Variants in USP25 observed in about 807,000 individuals in gnomAD.
The protein encoded by USP25 is ubiquitin carboxyl-terminal hydrolase 25.
Under a neutral mutation model 158.5 loss-of-function variants are expected in USP25, and 85 were observed. The ratio of observed to expected loss-of-function variants is 0.54; its 90% CI spans 0.45 to 0.64. USP25 has a LOEUF of 0.64. Among genes scored for constraint, USP25 ranks in the 30% least tolerant of loss-of-function variants. USP25 has a pLI of 0.00. For synonymous variants in USP25, 464 were observed against 460.4 expected, an observed-to-expected ratio of 1.01 and a Z score of -0.10; for missense variants, 1,242 against 1,327.3, an observed-to-expected ratio of 0.94 and a Z score of 1.00.
chr21:15,798,934 G>T (rs1000937850), intron 5 of USP25, among the ~76,000 whole-genome samples: 3 of 151,058 alleles, frequency 2.0e-5, no homozygotes, highest in Non-Finnish European at 3.0e-5. Context: ...ATCACTTCCT[G>T]TATAGTAATT....
At chr21:15,740,214 T>G (rs1202277552) in intron 1 of USP25, among the ~76,000 whole-genome samples, 1 of 152,256 alleles carries the variant, frequency 6.6e-6, no homozygotes, top group Non-Finnish European at 1.5e-5. Context: ...TAAAGCCTGC[T>G]TAATAAGAAT....
intron 4 of USP25, among the ~76,000 whole-genome samples, chr21:15,779,182 T>C (rs2034821677): frequency 6.6e-6 from 1 of 152,076 alleles, no homozygotes; most frequent in Admixed American, 6.5e-5. Flanking sequence ...TTGTGGCTAA[T>C]ATTTATTGCC....
chr21:15,815,885 G>T (rs118032446), intron 9 of USP25, among the ~76,000 whole-genome samples: 1 of 152,154 alleles, frequency 6.6e-6, no homozygotes, highest in Admixed American at 6.5e-5. Flanking sequence ...AGGCGGAAGG[G>T]ACTTAACCTT....
At chr21:15,822,192 A>G (rs1305402511) in intron 10 of USP25, among the ~76,000 whole-genome samples, 4 of 151,998 alleles carry the variant, frequency 2.6e-5, no homozygotes, top group East Asian at 1.9e-4. Context: ...ATGTACTGCT[A>G]TACTACAATC....
chr21:15,730,840 T>G (rs540933025), intron 1 of USP25, among the ~76,000 whole-genome samples: 18 of 152,268 alleles, frequency 1.2e-4, no homozygotes, highest in Non-Finnish European at 2.5e-4. Flanking sequence ...AGGCCTGCTA[T>G]TTTGCAAAAC....
intron 4 of USP25, among the ~76,000 whole-genome samples, chr21:15,784,886 G>C (rs2035185779): frequency 6.6e-6 from 1 of 151,714 alleles, no homozygotes; most frequent in Non-Finnish European, 1.5e-5. Context: ...AAACTAGCAT[G>C]AGTAAATTAT....
intron 9 of USP25, among the ~76,000 whole-genome samples, chr21:15,811,441 T>C (rs1422306727): frequency 6.6e-6 from 1 of 150,504 alleles, no homozygotes; most frequent in Non-Finnish European, 1.5e-5. Flanking sequence ...TTTATCCTCA[T>C]GTTTTTTCCA....
intron 1 of USP25, among the ~76,000 whole-genome samples, chr21:15,756,878 G>GA (rs566876962): frequency 2.6e-4 from 40 of 151,904 alleles, no homozygotes; most frequent in African/African-American, 9.4e-4. Context: ...CTTAACTAGA[G>GA]AAAAAAAATC....
chr21:15,830,437 T>A, intron 14 of USP25, 94 bp from the exon 15 acceptor site: 1 of 1,049,458 alleles, frequency 9.5e-7, no homozygotes, highest in South Asian at 1.8e-5. Context: ...ATTTTCCTAT[T>A]CCTCTAACAT....
chr21:15,861,831 GA>G, intron 20 of USP25, among the ~76,000 whole-genome samples: 1 of 152,112 alleles, frequency 6.6e-6, no homozygotes, highest in Middle Eastern at 3.4e-3. Context: ...TTGTGTGATT[GA>G]AAAACAGCTC....
chr21:15,837,809 T>C (rs2038128973), intron 17 of USP25, among the ~76,000 whole-genome samples: 1 of 152,194 alleles, frequency 6.6e-6, no homozygotes, highest in South Asian at 2.1e-4. Context: ...GGAACTTCTC[T>C]ACACTGTCTA....
chr21:15,760,175 TG>T (rs2033643301), intron 1 of USP25, among the ~76,000 whole-genome samples: 1 of 152,236 alleles, frequency 6.6e-6, no homozygotes, highest in Non-Finnish European at 1.5e-5. Context: ...TTTGCAGCTA[TG>T]AGTGGCCATG....
At position 15,849,881 on chromosome 21, in the gene USP25, A is replaced by T; in HGVS notation, c.2547+9A>T. On this transcript the variant is annotated intron_variant, in intron 20 of 25. Transcript: ENST00000400183. ...AAGCAGGGTTCTTTAAGGTACAATG[A>T]ACATTTTCATTTTCGTGTCTTTTCT... 6.8e-7 allele frequency: 1 copy of T among 1,470,436 alleles called. No individual in the cohort carries two copies. The highest frequency in any genetic ancestry group is 1.8e-4 in the Middle Eastern group (1 of 5,632). The allele number at this position is 1,470,436 out of a possible 1,614,324, so 91.1% of individuals were successfully genotyped here.
chr21:15,829,735 C>T (rs2146381225), intron 14 of USP25, among the ~76,000 whole-genome samples: 1 of 152,072 alleles, frequency 6.6e-6, no homozygotes, highest in East Asian at 1.9e-4. Flanking sequence ...ATTATTTTCC[C>T]AGTTTTTCAT....
intron 20 of USP25, among the ~76,000 whole-genome samples, chr21:15,852,751 A>G (rs570562835): frequency 6.6e-6 from 1 of 152,282 alleles, no homozygotes; most frequent in African/African-American, 2.4e-5. Flanking sequence ...AATTACTATC[A>G]TAAAACCCTC....
At chr21:15,794,390 A>T (rs1452139758) in intron 5 of USP25, among the ~76,000 whole-genome samples, 2 of 151,558 alleles carry the variant, frequency 1.3e-5, no homozygotes, top group African/African-American at 2.4e-5. Flanking sequence ...TTAGACATCA[A>T]CCCCACAGCT....
rs2040047813 is a variant in USP25 at position 15,875,067 on chromosome 21, G to T, written c.3009+541G>T. Among the ~76,000 whole-genome samples the T allele has an allele frequency of 6.6e-6, 1 of 152,086 alleles. No individual in the cohort carries two copies. Among genetic ancestry groups the T allele is most frequent in the Non-Finnish European group, 1.5e-5 (1 of 68,010 alleles). ...TGCGCCTGTAGTCTCAACTACTCAG[G>T]AGGCTGAGGCAGGGGAATCGCATGA... is the stretch of plus-strand genomic sequence containing the variant. On this transcript the variant is annotated intron_variant, in intron 24 of 25. Transcript: ENST00000400183. The surrounding 1 kb of genome is among the most constrained non-coding windows in gnomAD (Gnocchi z 4.7).
rs374059191 is a variant in USP25, at chr21:15,839,817, A to G, written c.2195-2581A>G. 1.7e-4 allele frequency among the ~76,000 whole-genome samples: 26 copies of G among 152,224 alleles called. No individual in the cohort carries two copies. The East Asian group carries it at 2.1e-3, about 12-fold the overall frequency. On this transcript the variant is annotated intron_variant, in intron 17 of 25. Coordinates refer to ENST00000400183, the MANE Select transcript of USP25 (RefSeq NM_001283041.3). ...CCAGATTACTCATCGTTTCTATTGC[A>G]TATAGGAAATTTTCCTGTCATTATG...
intron 18 of USP25, among the ~76,000 whole-genome samples, chr21:15,847,093 G>A (rs1338038381): frequency 6.6e-6 from 1 of 152,018 alleles, no homozygotes; most frequent in Non-Finnish European, 1.5e-5. Flanking sequence ...ATAGAATATG[G>A]ATATTAACTG....
Sources: allele counts gnomAD v4.1 joint callset (sites outside exome capture counted in the v4.1 genomes callset), GRCh38; gene constraint gnomAD v4.1.1; non-coding constraint Gnocchi (gnomAD v3.1); transcripts MANE v1.5; gene names NCBI Gene and HGNC (gene_info 2026-07-23, HGNC 2026-07-21).